Variants in AZIN1 observed in about 807,000 individuals in gnomAD.
AZIN1 encodes ornithine decarboxylase antizyme inhibitor.
AZIN1 carries 12 observed loss-of-function variants against 47.4 expected under a neutral mutation model. That is an observed-to-expected ratio of 0.25 (90% CI 0.16 to 0.41). The LOEUF is 0.41. AZIN1 is among the 10% of genes least tolerant of loss of function. The pLI, the probability that AZIN1 is intolerant of heterozygous loss-of-function variation, is 1.00. For synonymous variants in AZIN1, 155 were observed against 176.3 expected, an observed-to-expected ratio of 0.88 and a Z score of 0.96; for missense variants, 410 against 532.4, an observed-to-expected ratio of 0.77 and a Z score of 2.26.
rs531800880 is a variant in AZIN1 at position 102,853,348 on chromosome 8, C to T, written c.-96+4665G>A. 3.3e-5 allele frequency among the ~76,000 whole-genome samples: 5 copies of T among 152,240 alleles called. No individual in the cohort carries two copies. In the East Asian group the frequency reaches 7.7e-4, roughly 24 times the overall value. ...TGAAACCCTGTCTCTACTAGAAATA[C>T]AAAATTAGTCGGGCATGGTGGTGCA... On this transcript the variant is annotated intron_variant, in intron 2 of 11. Transcript: ENST00000337198.
rs1432286860 is a variant in AZIN1, at chr8:102,833,168, A to G, written c.792T>C (p.Ser264=). The G allele has an allele frequency of 6.2e-7, 1 of 1,613,574 alleles. No homozygotes were observed. Among genetic ancestry groups the G allele is most frequent in the Non-Finnish European group, 8.5e-7 (1 of 1,179,644 alleles). The change falls in exon 9 of 12, where the codon TCT becomes TCC. Residue 264 remains serine (S), a synonymous_variant. Coordinates refer to ENST00000337198, the MANE Select transcript of AZIN1 (RefSeq NM_148174.4). ...PLLDIYFPEG[S]GVKIISEPGS... ...CGGGTTCTGAAATTATCTTAACACCAGATCCTTCAGGAAAGTAGATATCCA... is the reference window on the plus strand; with the variant it reads ...CGGGTTCTGAAATTATCTTAACACCGGATCCTTCAGGAAAGTAGATATCCA...
rs867103190 is a variant in AZIN1 at position 102,828,476 on chromosome 8, A to G, written c.*91T>C. On this transcript the variant is annotated 3_prime_UTR_variant, in exon 12 of 12. Coordinates refer to ENST00000337198, the MANE Select transcript of AZIN1 (RefSeq NM_148174.4). ...TTTTGTTGCCAAAAGAATTAAGAGAATAAGATTGTTTAAATTATTTTTCCA... is the reference window on the plus strand; with the variant it reads ...TTTTGTTGCCAAAAGAATTAAGAGAGTAAGATTGTTTAAATTATTTTTCCA... The G allele has an allele frequency of 1.2e-5, 10 of 831,936 alleles. No individual in the cohort carries two copies. In the Middle Eastern group the frequency reaches 1.4e-3, roughly 118 times the overall value. The allele number at this position is 831,936 out of a possible 1,614,324, so 51.5% of individuals were successfully genotyped here. A position where few individuals can be genotyped will look rare whatever the true frequency, so the allele number is the denominator to read the frequency against.
rs1161947355 is a variant in AZIN1 at position 102,863,227 on chromosome 8, G to GCC, written c.-234+578_-234+579dup. Among the ~76,000 whole-genome samples the GCC allele has an allele frequency of 2.0e-5, 3 of 151,890 alleles. 1 individual carries two copies. In the South Asian group the frequency reaches 6.2e-4, roughly 31 times the overall value. On this transcript the variant is annotated intron_variant, in intron 1 of 11. Coordinates refer to ENST00000337198, the MANE Select transcript of AZIN1 (RefSeq NM_148174.4). ...ACCAGAGGGGGACCGCGCTCCCCGC[G>GCC]CCCCCCAGGAATCCGACTTCCTCCG... is the stretch of plus-strand genomic sequence containing the variant.
chr8:102,838,730 A>G lies in AZIN1; in HGVS notation c.449+14T>C, dbSNP rs1435155687. Reference sequence around the variant, plus strand: ...TGCTAAATAATATTTTCAAGTACTTAATTTTATACTTACTTGGCATTTGGG... The same window carrying G: ...TGCTAAATAATATTTTCAAGTACTTGATTTTATACTTACTTGGCATTTGGG... On this transcript the variant is annotated intron_variant, in intron 5 of 11. Transcript: ENST00000337198. The G allele has an allele frequency of 6.3e-7, 1 of 1,599,444 alleles. No homozygotes were observed. Among genetic ancestry groups the G allele is most frequent in the Non-Finnish European group, 8.5e-7 (1 of 1,171,930 alleles).
At chr8:102,862,623 T>C (rs558016666) in intron 1 of AZIN1, among the ~76,000 whole-genome samples, 1 of 152,240 alleles carries the variant, frequency 6.6e-6, no homozygotes, top group African/African-American at 2.4e-5. Context: ...TTGATGTGCT[T>C]TGATGTACTT....
intron 2 of AZIN1, among the ~76,000 whole-genome samples, chr8:102,856,419 T>C (rs1449443844): frequency 6.6e-6 from 1 of 152,208 alleles, no homozygotes; most frequent in Non-Finnish European, 1.5e-5. Context: ...AGGGAGACAC[T>C]ATAGACTTTC....
At chr8:102,841,130 G>A (rs1489616662) in intron 3 of AZIN1, among the ~76,000 whole-genome samples, 1 of 152,168 alleles carries the variant, frequency 6.6e-6, no homozygotes, top group African/African-American at 2.4e-5. Context: ...AATTAAGCAG[G>A]CTTGGGCAAA....
chr8:102,863,273 C>G (rs1813857793), intron 1 of AZIN1, among the ~76,000 whole-genome samples: 1 of 152,096 alleles, frequency 6.6e-6, no homozygotes, highest in South Asian at 2.1e-4. Context: ...CAGAGGCCGG[C>G]GCGGGGCCCG....
At chr8:102,844,044 T>C (rs1044002774) in intron 2 of AZIN1, among the ~76,000 whole-genome samples, 2 of 152,246 alleles carry the variant, frequency 1.3e-5, no homozygotes, top group Non-Finnish European at 1.5e-5. Flanking sequence ...TCTGTATTAT[T>C]ATCTTGTTTT....
Position 102,838,910 on chromosome 8 carries a change from T to C in AZIN1, c.283A>G (p.Met95Val). 1 of 1,608,150 alleles carries C rather than the reference T, an allele frequency of 6.2e-7. No homozygotes were observed. The part of the protein sequence containing the change: ...TGFACSSKNE[M>V]ALVQELGVPP... ...ACACCCAACTCTTGCACTAAAGCCATTTCATTCTGTGAAAATGAGGTTAAA... is the reference window on the plus strand; with the variant it reads ...ACACCCAACTCTTGCACTAAAGCCACTTCATTCTGTGAAAATGAGGTTAAA... The change falls in exon 5 of 12, where the codon ATG becomes GTG. Residue 95 changes from methionine (M) to valine (V), a missense_variant. Around this residue, in one of 3 missense-constraint regions of AZIN1, gnomAD observed 237 missense variants for 309.4 expected, o/e 0.77. Coordinates refer to ENST00000337198, the MANE Select transcript of AZIN1 (RefSeq NM_148174.4).
In AZIN1 at chr8:102,860,173, G is replaced by A. The variant is rs141367511; in HGVS notation, c.-233-2023C>T. On this transcript the variant is annotated intron_variant, in intron 1 of 11. Coordinates refer to ENST00000337198, the MANE Select transcript of AZIN1 (RefSeq NM_148174.4). ...ATTATTTTCACTTAGAATGGTGTAT[G>A]TAAACACTGCAAATTCTCTAACACC... 6.7e-3 allele frequency among the ~76,000 whole-genome samples: 1,024 copies of A among 152,358 alleles called. 10 individuals carry two copies. The highest frequency in any genetic ancestry group is 0.024 in the African/African-American group (987 of 41,578).
chr8:102,846,324 G>T (rs1205987081), intron 2 of AZIN1, among the ~76,000 whole-genome samples: 1 of 152,182 alleles, frequency 6.6e-6, no homozygotes, highest in South Asian at 2.1e-4. Flanking sequence ...ACAGTAGTAT[G>T]ATGATATGGA....
chr8:102,857,786 T>C (rs1379079572), intron 2 of AZIN1, among the ~76,000 whole-genome samples: 2 of 152,076 alleles, frequency 1.3e-5, no homozygotes, highest in African/African-American at 2.4e-5. Context: ...TTCTAAGTTA[T>C]GCATACAAGA....
In AZIN1 at chr8:102,826,897, G is replaced by A. The variant is rs1811145003; in HGVS notation, c.*1670C>T. On this transcript the variant is annotated 3_prime_UTR_variant, in exon 12 of 12. Coordinates refer to ENST00000337198, the MANE Select transcript of AZIN1 (RefSeq NM_148174.4). Reference sequence around the variant, plus strand: ...TAATATACCTTGGAAAAGTCCAAGGGCAATTTGATGGCAATGGATTGGGGC... The same window carrying A: ...TAATATACCTTGGAAAAGTCCAAGGACAATTTGATGGCAATGGATTGGGGC... 1 of 152,454 alleles carries A rather than the reference G, an allele frequency of 6.6e-6. No individual in the cohort carries two copies. Among genetic ancestry groups the A allele is most frequent in the Non-Finnish European group, 1.5e-5 (1 of 68,022 alleles). 9.4% of individuals were successfully genotyped at this position (152,454 alleles called of 1,614,324 possible). A position where few individuals can be genotyped will look rare whatever the true frequency, so the allele number is the denominator to read the frequency against.
In AZIN1 at chr8:102,843,648, T is replaced by C. The variant is rs1177420864; in HGVS notation, c.5A>G (p.Lys2Arg). M[K>R]GFIDDANYSV... ...GTAGTTTGCATCATCAATAAATCCT[T>C]TCATCTCAGCCGTATTCCACAAAGC... The change falls in exon 3 of 12, where the codon AAA becomes AGA. Residue 2 changes from lysine (K) to arginine (R), a missense_variant. This residue lies in a region of AZIN1 where 237 missense variants were observed against 309.4 expected (regional missense o/e 0.77). Transcript: ENST00000337198. 1 of 1,613,994 alleles carries C rather than the reference T, an allele frequency of 6.2e-7. No individual in the cohort carries two copies. Among genetic ancestry groups the C allele is most frequent in the Non-Finnish European group, 8.5e-7 (1 of 1,179,942 alleles).
chr8:102,836,463 T>TA, intron 5 of AZIN1, 73 bp from the exon 6 acceptor site: 1 of 1,503,490 alleles, frequency 6.7e-7, no homozygotes. Context: ...CTGAAGATTG[T>TA]AGGAAGTGTG....
At chr8:102,862,084 G>C (rs899740477) in intron 1 of AZIN1, among the ~76,000 whole-genome samples, 6 of 151,808 alleles carry the variant, frequency 4.0e-5, no homozygotes, top group African/African-American at 1.5e-4. Flanking sequence ...AAGACGATTT[G>C]AAAGGACAAG....
intron 2 of AZIN1, among the ~76,000 whole-genome samples, chr8:102,854,077 T>C (rs972864273): frequency 6.6e-6 from 1 of 151,802 alleles, no homozygotes; most frequent in Non-Finnish European, 1.5e-5. Context: ...TGGGATTACA[T>C]GCGTGCACCA....
intron 2 of AZIN1, among the ~76,000 whole-genome samples, chr8:102,845,571 A>G (rs1812517642): frequency 6.6e-6 from 1 of 152,228 alleles, no homozygotes; most frequent in South Asian, 2.1e-4. Context: ...CTAAGAATAC[A>G]TGTTTATTTT....
Sources: allele counts gnomAD v4.1 joint callset (sites outside exome capture counted in the v4.1 genomes callset), GRCh38; gene constraint gnomAD v4.1.1; regional missense constraint gnomAD v4.1.1; transcripts MANE v1.5; gene names NCBI Gene and HGNC (gene_info 2026-07-23, HGNC 2026-07-21).